The following MAPK4 variants were observed in gnomAD, a reference collection of about 807,000 sequenced individuals.
MAPK4 encodes Erk3-related.
In MAPK4, 22 loss-of-function variants were observed where a neutral mutation model predicts 47.7. That is an observed-to-expected ratio of 0.46 (90% CI 0.33 to 0.66). The LOEUF (loss-of-function observed/expected upper bound fraction) is 0.66. MAPK4 is among the 30% of genes least tolerant of loss of function. MAPK4 has a pLI of 0.02. For missense variants in MAPK4, 736 were observed against 831.7 expected (o/e 0.88, Z 1.42); for synonymous variants, 390 against 365.7 (o/e 1.07, Z -0.76).
In MAPK4 at chr18:50,645,367, T is replaced by C. The variant is rs544769364; in HGVS notation, c.-870-17722T>C. 2.6e-5 allele frequency among the ~76,000 whole-genome samples: 4 copies of C among 152,280 alleles called. No homozygotes were observed. The East Asian group carries it at 5.8e-4, about 22-fold the overall frequency. On this transcript the variant is annotated intron_variant, in intron 1 of 5. Coordinates refer to ENST00000400384, the MANE Select transcript of MAPK4 (RefSeq NM_002747.4). The stretch of plus-strand genomic sequence containing the variant: ...GAGGTGAACGCCAACGTGCTGTCCA[T>C]AGTGGCTTTAGAAATGACAGCACCA...
chr18:50,715,108 G>A lies in MAPK4; in HGVS notation c.576G>A (p.Lys192=). 6.2e-7 allele frequency: 1 copy of A among 1,614,170 alleles called. No homozygotes were observed. The highest frequency in any genetic ancestry group is 8.5e-7 in the Non-Finnish European group (1 of 1,180,036). ...ATCTGTCAGAAGGGTTGGTAACAAA[G>A]TGGTACCGTTCCCCACGACTGCTCC... The part of the protein sequence containing the change: ...KGYLSEGLVT[K]WYRSPRLLLS... The change falls in exon 3 of 6, where the codon AAG becomes AAA. Residue 192 remains lysine, a synonymous_variant. Coordinates refer to ENST00000400384, the MANE Select transcript of MAPK4 (RefSeq NM_002747.4).
rs572166079 is a variant in MAPK4 at position 50,707,777 on chromosome 18, G to T, written c.547-7302G>T. On this transcript the variant is annotated intron_variant, in intron 2 of 5. Coordinates refer to ENST00000400384, the MANE Select transcript of MAPK4 (RefSeq NM_002747.4). Reference sequence around the variant, plus strand: ...AAAGAAAGTGACCACACAGGGCCTGGAGTGTCCAACAAGGGCCTGCAGGCC... The same window carrying T: ...AAAGAAAGTGACCACACAGGGCCTGTAGTGTCCAACAAGGGCCTGCAGGCC... Among the ~76,000 whole-genome samples, 3 of 152,184 alleles carry T rather than the reference G, an allele frequency of 2.0e-5. No individual in the cohort carries two copies. In the South Asian group the frequency reaches 6.3e-4, roughly 32 times the overall value.
chr18:50,572,192 C>T (rs530858562), intron 1 of MAPK4, among the ~76,000 whole-genome samples: 4 of 152,174 alleles, frequency 2.6e-5, no homozygotes, highest in African/African-American at 9.6e-5. Flanking sequence ...TGTAATAAAG[C>T]CAGTGAAATA....
intron 1 of MAPK4, among the ~76,000 whole-genome samples, chr18:50,648,155 T>G (rs1322732829): frequency 6.6e-6 from 1 of 151,648 alleles, no homozygotes; most frequent in Non-Finnish European, 1.5e-5. Context: ...ACTGTGGGTG[T>G]GTGTGTTGTG....
chr18:50,665,783 A>C (rs932971601), intron 2 of MAPK4, among the ~76,000 whole-genome samples: 45 of 152,106 alleles, frequency 3.0e-4, no homozygotes, highest in Admixed American at 3.9e-4. Context: ...GACCTTAACC[A>C]TGAGCCTGCC....
chr18:50,595,884 T>C (rs1035733036), intron 1 of MAPK4, among the ~76,000 whole-genome samples: 1 of 152,178 alleles, frequency 6.6e-6, no homozygotes, highest in Non-Finnish European at 1.5e-5. Flanking sequence ...TGGCTAATGG[T>C]AACTGCCAAG....
intron 2 of MAPK4, among the ~76,000 whole-genome samples, chr18:50,710,370 C>G (rs1598940341): frequency 6.6e-6 from 1 of 152,092 alleles, no homozygotes; most frequent in Non-Finnish European, 1.5e-5. Context: ...GTAGTCTCAG[C>G]TACTTGGGAG....
At chr18:50,647,625 C>T (rs561397999) in intron 1 of MAPK4, among the ~76,000 whole-genome samples, 2 of 152,284 alleles carry the variant, frequency 1.3e-5, no homozygotes, top group African/African-American at 4.8e-5. Flanking sequence ...CCACTCCCAG[C>T]TTCTTTCGAT....
intron 2 of MAPK4, among the ~76,000 whole-genome samples, chr18:50,701,412 A>G (rs757960423): frequency 2.7e-4 from 41 of 152,214 alleles, no homozygotes; most frequent in Admixed American, 5.2e-4. Context: ...ATTGCCATTC[A>G]GACTTTCCCT....
At chr18:50,613,625 C>T (rs1022487816) in intron 1 of MAPK4, among the ~76,000 whole-genome samples, 2 of 152,174 alleles carry the variant, frequency 1.3e-5, no homozygotes, top group Non-Finnish European at 2.9e-5. Flanking sequence ...TGTTACAAAG[C>T]AATAGATAAC....
intron 1 of MAPK4, among the ~76,000 whole-genome samples, chr18:50,565,906 T>G (rs549036152): frequency 6.6e-6 from 1 of 152,322 alleles, no homozygotes; most frequent in African/African-American, 2.4e-5. Context: ...CTTAGATGGA[T>G]CCCCATCATT....
intron 4 of MAPK4, among the ~76,000 whole-genome samples, chr18:50,722,434 G>A (rs1910984191): frequency 1.3e-5 from 2 of 152,194 alleles, no homozygotes; most frequent in African/African-American, 4.8e-5. Flanking sequence ...AAGAACAGGA[G>A]CTTCCTCAGC....
chr18:50,610,305 C>T (rs2149376924), intron 1 of MAPK4, among the ~76,000 whole-genome samples: 1 of 152,350 alleles, frequency 6.6e-6, no homozygotes, highest in East Asian at 1.9e-4. Context: ...GGGACCATCA[C>T]TTGGCTGGTG....
chr18:50,685,331 G>A (rs1043710925), intron 2 of MAPK4, among the ~76,000 whole-genome samples: 5 of 152,210 alleles, frequency 3.3e-5, no homozygotes, highest in Non-Finnish European at 1.5e-5. Context: ...TGCCAAGCCC[G>A]GTGGGTCTTG....
intron 1 of MAPK4, among the ~76,000 whole-genome samples, chr18:50,656,596 G>A (rs762402780): frequency 6.6e-6 from 1 of 152,148 alleles, no homozygotes; most frequent in Non-Finnish European, 1.5e-5. Context: ...TTAAGGGGAG[G>A]GGATGACACA....
At chr18:50,560,043 AGGC>A, upstream of MAPK4, 1 of 147,456 alleles carries the variant, frequency 6.8e-6, no homozygotes, top group South Asian at 1.9e-4. Context: ...GGCGGAGCCG[AGGC>A]GGCGGCGGCG....
intron 2 of MAPK4, among the ~76,000 whole-genome samples, chr18:50,713,700 G>A (rs1297482955): frequency 3.3e-5 from 5 of 152,228 alleles, no homozygotes; most frequent in East Asian, 1.9e-4. Context: ...TGGCCTGAGC[G>A]TGTCAGCCGG....
intron 2 of MAPK4, among the ~76,000 whole-genome samples, chr18:50,709,745 C>T (rs1049416158): frequency 6.6e-6 from 1 of 152,204 alleles, no homozygotes; most frequent in Non-Finnish European, 1.5e-5. Context: ...TTCCCAGTTA[C>T]AGCACCTTGA....
chr18:50,712,243 A>C (rs542412348), intron 2 of MAPK4, among the ~76,000 whole-genome samples: 1 of 152,244 alleles, frequency 6.6e-6, no homozygotes, highest in East Asian at 1.9e-4. Context: ...CTTGGGCAAC[A>C]TGACGAAACC....
Sources: allele counts gnomAD v4.1 joint callset (sites outside exome capture counted in the v4.1 genomes callset), GRCh38; gene constraint gnomAD v4.1.1; transcripts MANE v1.5; gene names NCBI Gene and HGNC (gene_info 2026-07-23, HGNC 2026-07-21).